TNN: variants seen among roughly 807,000 people sequenced by gnomAD.
TNN encodes the protein tenascin N.
Under a neutral mutation model 134.4 loss-of-function variants are expected in TNN, and 122 were observed. That is an observed-to-expected ratio of 0.91 (90% CI 0.78 to 1.06). TNN has a LOEUF of 1.06. TNN is among the 50% of genes least tolerant of loss of function. The pLI is 0.00. For missense variants in TNN, 1,739 were observed against 1,699.4 expected (o/e 1.02, Z -0.41); for synonymous variants, 710 against 670.3 (o/e 1.06, Z -0.91).
chr1:175,100,662 G>A (rs1435351029), intron 9 of TNN, among the ~76,000 whole-genome samples: 3 of 151,750 alleles, frequency 2.0e-5, no homozygotes, highest in Middle Eastern at 3.4e-3. Flanking sequence ...TTGGGAAAAC[G>A]GCTTTTGCAA....
chr1:175,101,474 A>G (rs1352132457), intron 9 of TNN, among the ~76,000 whole-genome samples: 1 of 149,832 alleles, frequency 6.7e-6, no homozygotes, highest in Non-Finnish European at 1.5e-5. Flanking sequence ...ACAGTGTGGA[A>G]GGGGACCCGA....
chr1:175,098,272 G>C, intron 8 of TNN, 60 bp from the exon 9 acceptor site: 1 of 1,608,566 alleles, frequency 6.2e-7, no homozygotes. Context: ...TGAAGATGGG[G>C]GTAAGGATAT....
intron 5 of TNN, among the ~76,000 whole-genome samples, chr1:175,085,131 G>A (rs1313228706): frequency 3.3e-5 from 5 of 152,242 alleles, no homozygotes; most frequent in Non-Finnish European, 7.3e-5. Flanking sequence ...GTGGCCCAGT[G>A]AAGAACCAGA....
At chr1:175,119,779 C>T (rs974799678) in intron 11 of TNN, among the ~76,000 whole-genome samples, 9 of 151,978 alleles carry the variant, frequency 5.9e-5, no homozygotes, top group East Asian at 3.9e-4. Flanking sequence ...GGATTACAAG[C>T]GCCCGCCACC....
chr1:175,079,044 G>A (rs943802761), intron 2 of TNN, among the ~76,000 whole-genome samples: 3 of 152,130 alleles, frequency 2.0e-5, no homozygotes. Flanking sequence ...CACACGGGAA[G>A]GGAAAGGAAA....
intron 3 of TNN, 107 bp downstream of exon 3, chr1:175,079,814 G>C: frequency 7.1e-7 from 1 of 1,402,388 alleles, no homozygotes; most frequent in Non-Finnish European, 9.4e-7. Context: ...TTTAGCCTAC[G>C]CCAGATTGCT....
chr1:175,080,167 C>T lies in TNN; in HGVS notation c.789C>T (p.Val263=), dbSNP rs891698453. ...GFTGLDCAQV[V]TPQGLQLLKN... is the part of the protein sequence containing the mutation. ...CTGTTCCTGTTCTGCCTGCAGTGGT[C>T]ACCCCACAGGGCCTGCAGCTGCTCA... The change falls in exon 4 of 19, where the codon GTC becomes GTT. Residue 263 remains valine (V), a synonymous_variant. Coordinates refer to ENST00000239462, the MANE Select transcript of TNN (RefSeq NM_022093.2). 3 of 1,613,572 alleles carry T rather than the reference C, an allele frequency of 1.9e-6. No individual in the cohort carries two copies. The highest frequency in any genetic ancestry group is 2.7e-5 in the African/African-American group (2 of 74,904).
chr1:175,146,218 G>A (rs917141377), intron 18 of TNN, among the ~76,000 whole-genome samples: 25 of 152,178 alleles, frequency 1.6e-4, no homozygotes, highest in Non-Finnish European at 3.4e-4. Context: ...TATTGGAAAC[G>A]AGCAGCCAGG....
intron 17 of TNN, among the ~76,000 whole-genome samples, chr1:175,143,247 C>T (rs867685051): frequency 5.9e-5 from 9 of 152,094 alleles, no homozygotes; most frequent in Non-Finnish European, 8.8e-5. Context: ...AATGCACATG[C>T]GAAGAAGATC....
chr1:175,133,584 T>G (rs1320467711), intron 15 of TNN, among the ~76,000 whole-genome samples: 2 of 152,228 alleles, frequency 1.3e-5, no homozygotes, highest in Non-Finnish European at 2.9e-5. Flanking sequence ...TCTCTCTCCT[T>G]AATGGATTCG....
intron 10 of TNN, among the ~76,000 whole-genome samples, chr1:175,117,781 C>T (rs1262756287): frequency 1.3e-5 from 2 of 152,122 alleles, no homozygotes; most frequent in Non-Finnish European, 2.9e-5. Flanking sequence ...ATGGCCAAAA[C>T]AACCAAATAA....
intron 4 of TNN, among the ~76,000 whole-genome samples, chr1:175,082,000 G>C (rs1221651810): frequency 6.6e-6 from 1 of 152,192 alleles, no homozygotes; most frequent in African/African-American, 2.4e-5. Context: ...GTTCAGAGTT[G>C]ATCATGGAAG....
At chr1:175,080,116 C>A (rs771493696) in intron 3 of TNN, 47 bp from the exon 4 acceptor site, 1 of 1,601,452 alleles carries the variant, frequency 6.2e-7, no homozygotes, top group Non-Finnish European at 8.5e-7. Context: ...GGGTCTGGAT[C>A]GCCTCCCTTG....
At chr1:175,070,096 T>C (rs1299046998) in intron 1 of TNN, among the ~76,000 whole-genome samples, 2 of 152,160 alleles carry the variant, frequency 1.3e-5, no homozygotes, top group South Asian at 2.1e-4. Flanking sequence ...TATTTTATCT[T>C]GTTATTGTGC....
At position 175,123,410 on chromosome 1, in the gene TNN, C is replaced by A; in HGVS notation, c.2661C>A (p.Gly887=). The A allele has an allele frequency of 6.2e-7, 1 of 1,613,498 alleles. No homozygotes were observed. Among genetic ancestry groups the A allele is most frequent in the Non-Finnish European group, 8.5e-7 (1 of 1,179,854 alleles). ...AATCTTTTTAAAAAGAAATTGACGGCCCCAAAAACCTAGTGACTGACTGGG... is the reference window on the plus strand; with the variant it reads ...AATCTTTTTAAAAAGAAATTGACGGACCCAAAAACCTAGTGACTGACTGGG... ...ADTKAQTEID[G]PKNLVTDWVT... The change falls in exon 12 of 19, where the codon GGC becomes GGA. Residue 887 remains glycine (G), a synonymous_variant. Coordinates refer to ENST00000239462, the MANE Select transcript of TNN (RefSeq NM_022093.2).
Position 175,123,537 on chromosome 1 carries a change from C to T in TNN, c.2788C>T (p.Pro930Ser), listed in dbSNP as rs866848306. ...TGCTGACGGAGAGACCAGGGAGGTTCCGGTGGGGAAGGAGCACAGCAGCAC... is the reference window on the plus strand; with the variant it reads ...TGCTGACGGAGAGACCAGGGAGGTTTCGGTGGGGAAGGAGCACAGCAGCAC... ...TSADGETREV[P>S]VGKEHSSTVL... Residue 930 changes from proline to serine, a missense_variant, in exon 12 of 19, where the codon CCG becomes TCG. Coordinates refer to ENST00000239462, the MANE Select transcript of TNN (RefSeq NM_022093.2). 5.0e-6 allele frequency: 8 copies of T among 1,613,896 alleles called. No homozygotes were observed.
chr1:175,092,990 T>C (rs1674488702), intron 6 of TNN, among the ~76,000 whole-genome samples: 1 of 152,250 alleles, frequency 6.6e-6, no homozygotes, highest in Non-Finnish European at 1.5e-5. Context: ...CTTGGTTCAC[T>C]AGAGTGAGTA....
At chr1:175,108,156 G>A (rs1226645620) in intron 9 of TNN, among the ~76,000 whole-genome samples, 3 of 151,992 alleles carry the variant, frequency 2.0e-5, no homozygotes, top group African/African-American at 7.3e-5. Context: ...ACGGAGTGTT[G>A]ATTGGTGCAC....
chr1:175,128,001 C>T, intron 13 of TNN, 31 bp from the exon 14 acceptor site: 1 of 1,613,834 alleles, frequency 6.2e-7, no homozygotes, highest in East Asian at 2.2e-5. Context: ...AACTGAGTCA[C>T]TGGCTGTCTA....
Sources: allele counts gnomAD v4.1 joint callset (sites outside exome capture counted in the v4.1 genomes callset), GRCh38; gene constraint gnomAD v4.1.1; transcripts MANE v1.5; gene names NCBI Gene and HGNC (gene_info 2026-07-23, HGNC 2026-07-21).